The following RERE variants were observed in gnomAD, a reference collection of about 807,000 sequenced individuals.
RERE encodes arginine-glutamic acid dipeptide repeats, also known as arginine-glutamic acid dipeptide repeats protein.
A neutral mutation model predicts 146.1 loss-of-function variants in RERE; 40 were observed. The ratio of observed to expected loss-of-function variants is 0.27; its 90% CI spans 0.21 to 0.36. RERE has a LOEUF of 0.36. Ranked by LOEUF, RERE falls within the 10% of genes least tolerant of loss-of-function variation. RERE has a pLI of 1.00. For missense variants in RERE, 1,933 were observed against 2,138.7 expected (o/e 0.90, Z 1.90); for synonymous variants, 1,003 against 866.0 (o/e 1.16, Z -2.78).
chr1:8,550,272 G>C (rs1163378263), intron 6 of RERE, among the ~76,000 whole-genome samples: 1 of 152,164 alleles, frequency 6.6e-6, no homozygotes, highest in African/African-American at 2.4e-5. Context: ...ACCAAATATA[G>C]AGCCCTTCAT....
chr1:8,451,088 C>T (rs958772351), intron 11 of RERE, among the ~76,000 whole-genome samples: 2 of 152,198 alleles, frequency 1.3e-5, no homozygotes, highest in Non-Finnish European at 2.9e-5. Context: ...CCCATGTTCT[C>T]TATGCAGCCT....
At chr1:8,555,502 G>C (rs1253805412) in intron 6 of RERE, among the ~76,000 whole-genome samples, 1 of 152,114 alleles carries the variant, frequency 6.6e-6, no homozygotes, top group Admixed American at 6.5e-5. Context: ...TGGTTTTCCT[G>C]AATACCATCT....
chr1:8,575,472 C>A (rs1646280002), intron 4 of RERE, among the ~76,000 whole-genome samples: 1 of 147,472 alleles, frequency 6.8e-6, no homozygotes, highest in African/African-American at 2.5e-5. Flanking sequence ...GCCTCAACAT[C>A]CCACTCTCAG....
intron 7 of RERE, among the ~76,000 whole-genome samples, chr1:8,536,091 C>T (rs536830570): frequency 4.9e-5 from 7 of 142,044 alleles, no homozygotes; most frequent in South Asian, 2.2e-4. Context: ...GGCGATAGAG[C>T]GAGACTCCAT....
chr1:8,645,403 CACAGGTAAGTG>C (rs1443069644), intron 2 of RERE, among the ~76,000 whole-genome samples: 1 of 152,110 alleles, frequency 6.6e-6, no homozygotes, highest in Non-Finnish European at 1.5e-5. Context: ...TGTAGTCTGC[CACAGGTAAGTG>C]ACAAGCATGC....
chr1:8,358,807 G>C lies in RERE; in HGVS notation c.3728C>G (p.Pro1243Arg). Residue 1243 changes from proline (P) to arginine (R), a missense_variant, in exon 20 of 23, where the codon CCC becomes CGC. Pro to Arg is a moderately radical substitution (Grantham distance 103, BLOSUM62 -2). Coordinates refer to ENST00000400908, the MANE Select transcript of RERE (RefSeq NM_001042681.2). Reference protein sequence around the residue: ...EPPPTTIAAVPPYIGPDTPAL... With the variant: ...EPPPTTIAAVRPYIGPDTPAL... Reference sequence around the variant, plus strand: ...AGGTGTGTCGGGCCCGATGTAGGGGGGCACAGCAGCAATGGTGGTTGGTGG... The same window carrying C: ...AGGTGTGTCGGGCCCGATGTAGGGGCGCACAGCAGCAATGGTGGTTGGTGG... 3 of 1,612,364 alleles carry C rather than the reference G, an allele frequency of 1.9e-6. No individual in the cohort carries two copies. The highest frequency in any genetic ancestry group is 2.5e-6 in the Non-Finnish European group (3 of 1,179,120).
At chr1:8,736,486 T>G (rs1640200258) in intron 1 of RERE, among the ~76,000 whole-genome samples, 1 of 152,100 alleles carries the variant, frequency 6.6e-6, no homozygotes. Flanking sequence ...GGATTACAGG[T>G]GTGAGCCACC....
intron 20 of RERE, among the ~76,000 whole-genome samples, chr1:8,357,891 C>A (rs903676095): frequency 6.6e-6 from 1 of 152,252 alleles, no homozygotes; most frequent in African/African-American, 2.4e-5. Context: ...GCTCTGCTGC[C>A]CTTACCCTGC....
rs561863040 is a variant in RERE at position 8,785,775 on chromosome 1, C to G, written c.-145+31385G>C. On this transcript the variant is annotated intron_variant, in intron 1 of 22. Coordinates refer to ENST00000400908, the MANE Select transcript of RERE (RefSeq NM_001042681.2). ...TAGCTGAGATTACAGGTGCCAACCA[C>G]CACGCCCAGCTAATTTTTGTATTTT... Among the ~76,000 whole-genome samples, 388 of 152,280 alleles carry G rather than the reference C, an allele frequency of 2.5e-3. 3 individuals are homozygous for G. Among genetic ancestry groups the G allele is most frequent in the African/African-American group, 8.9e-3 (368 of 41,542 alleles).
At chr1:8,429,764 G>C (rs1381662895) in intron 11 of RERE, 1 of 152,564 alleles carries the variant, frequency 6.6e-6, no homozygotes, top group Non-Finnish European at 1.5e-5. Flanking sequence ...TGTGAAAATG[G>C]CTCCTTCTGT....
chr1:8,757,969 C>A (rs1640677994), intron 1 of RERE, among the ~76,000 whole-genome samples: 1 of 151,748 alleles, frequency 6.6e-6, no homozygotes, highest in Non-Finnish European at 1.5e-5. Context: ...TAAGAAAATT[C>A]TGTTACTTGC....
chr1:8,434,979 G>A (rs1644148562), intron 11 of RERE: 1 of 152,236 alleles, frequency 6.6e-6, no homozygotes, highest in South Asian at 2.1e-4. Context: ...TGGTCCCACA[G>A]AAACTGTGAA....
intron 4 of RERE, among the ~76,000 whole-genome samples, chr1:8,598,617 A>G (rs1011434915): frequency 1.1e-4 from 17 of 152,148 alleles, no homozygotes; most frequent in African/African-American, 3.9e-4. Context: ...CTGTTACTAG[A>G]AGTCGACCAT....
At position 8,364,630 on chromosome 1, in the gene RERE, C is replaced by T. The variant is rs763615612; in HGVS notation, c.1540+116G>A. On this transcript the variant is annotated intron_variant, in intron 14 of 22. Transcript: ENST00000400908. The surrounding 1 kb of genome is among the most constrained non-coding windows in gnomAD (Gnocchi z 5.1). ...CTTTCTCGAATCCCGAAGCACAATGCAAATGTCAAATCAAGTACTGTCCCT... is the reference window on the plus strand; with the variant it reads ...CTTTCTCGAATCCCGAAGCACAATGTAAATGTCAAATCAAGTACTGTCCCT... The T allele has an allele frequency of 8.4e-5, 63 of 752,532 alleles. No homozygotes were observed. The highest frequency in any genetic ancestry group is 5.8e-4 in the Admixed American group (28 of 48,460). 46.6% of individuals were successfully genotyped at this position (752,532 alleles called of 1,614,324 possible).
intron 1 of RERE, among the ~76,000 whole-genome samples, chr1:8,671,746 TTCAAC>T (rs1365350947): frequency 6.6e-6 from 1 of 152,116 alleles, no homozygotes; most frequent in African/African-American, 2.4e-5. Context: ...TAAAACAAAG[TTCAAC>T]TCTAGAAAAA....
At chr1:8,443,924 A>T (rs1455145072) in intron 11 of RERE, among the ~76,000 whole-genome samples, 1 of 152,232 alleles carries the variant, frequency 6.6e-6, no homozygotes, top group African/African-American at 2.4e-5. Flanking sequence ...CCCAGGCCAG[A>T]AGCCTGCTGC....
chr1:8,472,620 G>A (rs1328271358), intron 10 of RERE, among the ~76,000 whole-genome samples: 1 of 152,176 alleles, frequency 6.6e-6, no homozygotes, highest in African/African-American at 2.4e-5. Flanking sequence ...GGGATTAAAT[G>A]CAATTTTAAT....
intron 7 of RERE, among the ~76,000 whole-genome samples, chr1:8,516,505 A>G (rs1645421285): frequency 6.6e-6 from 1 of 152,102 alleles, no homozygotes; most frequent in South Asian, 2.1e-4. Context: ...ATCTAATCTT[A>G]CAGGCGACCC....
chr1:8,590,449 T>C (rs1021118754), intron 4 of RERE, among the ~76,000 whole-genome samples: 1 of 151,990 alleles, frequency 6.6e-6, no homozygotes, highest in Non-Finnish European at 1.5e-5. Flanking sequence ...AGGCTTAAAT[T>C]CCATTTGGGG....
Sources: gnomAD v4.1 joint callset for allele counts (sites outside exome capture counted in the v4.1 genomes callset) on GRCh38, gnomAD v4.1.1 for gene constraint, Gnocchi (gnomAD v3.1) non-coding constraint, MANE v1.5 for transcripts, NCBI Gene and HGNC (gene_info 2026-07-23, HGNC 2026-07-21) for gene names.